Variants in CDH2 observed in about 807,000 individuals in gnomAD.
CDH2 encodes cadherin 2.
Under a neutral mutation model 92.0 loss-of-function variants are expected in CDH2, and 17 were observed. That is an observed-to-expected ratio of 0.18 (90% CI 0.13 to 0.28). The LOEUF (loss-of-function observed/expected upper bound fraction) is 0.28, where lower values mean the gene tolerates loss of function less well. Among genes scored for constraint, CDH2 ranks in the 10% least tolerant of loss-of-function variants. The pLI is 1.00. For missense variants in CDH2, 862 were observed against 1,133.1 expected, an observed-to-expected ratio of 0.76 and a Z score of 3.44; for synonymous variants, 419 against 415.9, an observed-to-expected ratio of 1.01 and a Z score of -0.09.
intron 2 of CDH2, among the ~76,000 whole-genome samples, chr18:28,050,268 G>A (rs993423963): frequency 6.6e-6 from 1 of 152,074 alleles, no homozygotes; most frequent in Non-Finnish European, 1.5e-5. Flanking sequence ...AAATGGTATA[G>A]GGTAAAATTA....
intron 2 of CDH2, among the ~76,000 whole-genome samples, chr18:28,096,065 T>C (rs1280593248): frequency 6.6e-6 from 1 of 152,188 alleles, no homozygotes; most frequent in African/African-American, 2.4e-5. Context: ...CATGCTTTTA[T>C]GCCTTAACGT....
chr18:28,140,728 A>T (rs2144314836), intron 2 of CDH2, among the ~76,000 whole-genome samples: 1 of 151,732 alleles, frequency 6.6e-6, no homozygotes, highest in Non-Finnish European at 1.5e-5. Context: ...GTTCAAAAAG[A>T]CTAAAACAAT....
intron 2 of CDH2, among the ~76,000 whole-genome samples, chr18:28,014,715 C>A (rs936279224): frequency 3.3e-5 from 5 of 151,266 alleles, no homozygotes; most frequent in African/African-American, 1.2e-4. Flanking sequence ...ATCATACATG[C>A]AATGACTTCA....
intron 7 of CDH2, among the ~76,000 whole-genome samples, chr18:27,994,947 C>A (rs374516011): frequency 6.6e-6 from 1 of 152,170 alleles, no homozygotes; most frequent in Non-Finnish European, 1.5e-5. Context: ...AAAAAACACA[C>A]ACGCAGTAAG....
chr18:28,010,312 T>A (rs2013058987), intron 4 of CDH2, among the ~76,000 whole-genome samples: 1 of 152,242 alleles, frequency 6.6e-6, no homozygotes, highest in Admixed American at 6.5e-5. Flanking sequence ...CAAATGGAAC[T>A]CTAATACAGT....
rs2015260492 is a variant in CDH2 at position 28,103,256 on chromosome 18, T to TATATAAAGTATATATA, written c.172+44416_172+44417insTATATATACTTTATAT. On this transcript the variant is annotated intron_variant, in intron 2 of 15. Coordinates refer to ENST00000269141, the MANE Select transcript of CDH2 (RefSeq NM_001792.5). ...TTTATATATATATAAAGTATATATA[T>TATATAAAGTATATATA]AAAAACTCCTTTATATATATAAAGT... Among the ~76,000 whole-genome samples the TATATAAAGTATATATA allele has an allele frequency of 2.1e-5, 3 of 144,648 alleles. No individual in the cohort carries two copies. The Admixed American group carries it at 2.1e-4, about 10-fold the overall frequency. 94.9% of individuals were successfully genotyped at this position (144,648 alleles called of 152,430 possible).
chr18:28,104,331 T>G (rs1005554015), intron 2 of CDH2, among the ~76,000 whole-genome samples: 4 of 152,196 alleles, frequency 2.6e-5, no homozygotes, highest in Non-Finnish European at 5.9e-5. Flanking sequence ...GTATTTGTTC[T>G]TTATCATAAA....
At chr18:27,975,734 G>A (rs955316669) in intron 14 of CDH2, among the ~76,000 whole-genome samples, 2 of 152,176 alleles carry the variant, frequency 1.3e-5, no homozygotes, top group African/African-American at 2.4e-5. Context: ...ACAGCCTTTT[G>A]GGTACCCACA....
chr18:27,996,118 T>C (rs2012573407), intron 7 of CDH2, among the ~76,000 whole-genome samples: 2 of 152,076 alleles, frequency 1.3e-5, no homozygotes, highest in East Asian at 3.9e-4. Context: ...TTGCTGTCAA[T>C]CCTTCCCTCT....
chr18:28,068,218 G>A (rs926153509), intron 2 of CDH2, among the ~76,000 whole-genome samples: 1 of 152,262 alleles, frequency 6.6e-6, no homozygotes, highest in African/African-American at 2.4e-5. Context: ...GAAGATCCCC[G>A]ATCCCCAAAC....
At chr18:28,116,502 G>T (rs905701381) in intron 2 of CDH2, among the ~76,000 whole-genome samples, 9 of 152,236 alleles carry the variant, frequency 5.9e-5, no homozygotes, top group Admixed American at 3.3e-4. Context: ...ACAAAGCAAA[G>T]TTTCTTGAGG....
intron 2 of CDH2, among the ~76,000 whole-genome samples, chr18:28,075,968 C>A (rs1206848759): frequency 6.6e-6 from 1 of 152,118 alleles, no homozygotes; most frequent in South Asian, 2.1e-4. Context: ...GTGGTCAATT[C>A]CAAATATCAT....
chr18:27,958,948 C>T (rs2011326759), intron 15 of CDH2, among the ~76,000 whole-genome samples: 1 of 152,130 alleles, frequency 6.6e-6, no homozygotes, highest in South Asian at 2.1e-4. Context: ...CTGAGGCTTT[C>T]CCAGCCCTGT....
chr18:28,047,635 G>A lies in CDH2; in HGVS notation c.173-33726C>T, dbSNP rs531628139. On this transcript the variant is annotated intron_variant, in intron 2 of 15. Transcript: ENST00000269141. ...TGTAATCCCGGCACTTTGGGAGGCC[G>A]AGGTGGGTGGATCACGAGGTCAGGA... Among the ~76,000 whole-genome samples the A allele has an allele frequency of 5.9e-5, 9 of 152,170 alleles. No individual in the cohort carries two copies. The South Asian group carries it at 1.9e-3, about 32-fold the overall frequency.
intron 2 of CDH2, among the ~76,000 whole-genome samples, chr18:28,086,180 AG>A (rs1446566145): frequency 6.6e-6 from 1 of 152,238 alleles, no homozygotes; most frequent in Non-Finnish European, 1.5e-5. Flanking sequence ...GATACAATTA[AG>A]AAAATGTGTT....
At chr18:27,944,811 C>T (rs1909229316) in intron 6 of CDH2, among the ~76,000 whole-genome samples, 1 of 149,880 alleles carries the variant, frequency 6.7e-6, no homozygotes, top group South Asian at 2.1e-4. Flanking sequence ...TACTCAGGAG[C>T]CTGAGGTATG....
chr18:28,016,567 C>A (rs2013253066), intron 2 of CDH2, among the ~76,000 whole-genome samples: 1 of 152,138 alleles, frequency 6.6e-6, no homozygotes, highest in Non-Finnish European at 1.5e-5. Context: ...GATTATGTCA[C>A]ATGTTAACCT....
At chr18:27,948,282 C>A (rs1042178943), downstream of CDH2, among the ~76,000 whole-genome samples, 1 of 147,020 alleles carries the variant, frequency 6.8e-6, no homozygotes, top group Admixed American at 6.8e-5. Context: ...AGAATGCATT[C>A]CACATGGTTG....
intron 2 of CDH2, among the ~76,000 whole-genome samples, chr18:28,094,827 G>C (rs2015102064): frequency 6.9e-6 from 1 of 144,982 alleles, no homozygotes; most frequent in African/African-American, 2.5e-5. Flanking sequence ...TACTGCTATA[G>C]TTCCTCCCCA....
Sources: gnomAD v4.1 joint callset for allele counts (sites outside exome capture counted in the v4.1 genomes callset) on GRCh38, gnomAD v4.1.1 for gene constraint, MANE v1.5 for transcripts, NCBI Gene and HGNC (gene_info 2026-07-23, HGNC 2026-07-21) for gene names.